Variants in PRKN observed in about 807,000 individuals in gnomAD.
PRKN encodes parkin RBR E3 ubiquitin protein ligase.
In PRKN, 56 loss-of-function variants were observed where a neutral mutation model predicts 59.5. The ratio of observed to expected loss-of-function variants is 0.94; its 90% confidence interval spans 0.76 to 1.18. The LOEUF is 1.18. PRKN is among the 50% of genes most tolerant of loss of function. PRKN has a pLI of 0.00. For missense variants in PRKN, 657 were observed against 596.4 expected (o/e 1.10, Z -1.06); for synonymous variants, 250 against 222.1 (o/e 1.13, Z -1.12).
intron 1 of PRKN, among the ~76,000 whole-genome samples, chr6:162,517,311 A>C (rs1360640609): frequency 1.3e-5 from 2 of 150,496 alleles, no homozygotes; most frequent in Non-Finnish European, 3.0e-5. Flanking sequence ...GCAGTGACAC[A>C]ATCTCGGCTC....
intron 6 of PRKN, among the ~76,000 whole-genome samples, chr6:161,806,080 C>T (rs772567700): frequency 4.6e-5 from 7 of 152,172 alleles, no homozygotes; most frequent in African/African-American, 1.2e-4. Flanking sequence ...GAAATTCCAT[C>T]GTAAATATTG....
intron 4 of PRKN, among the ~76,000 whole-genome samples, chr6:162,184,564 G>A (rs1783942650): frequency 6.6e-6 from 1 of 152,142 alleles, no homozygotes; most frequent in African/African-American, 2.4e-5. Flanking sequence ...GCCCTGTGTA[G>A]AAGGACATGT....
intron 6 of PRKN, among the ~76,000 whole-genome samples, chr6:161,943,959 T>TGAGGAAGGAGCC (rs1779672839): frequency 7.3e-6 from 1 of 137,740 alleles, no homozygotes; most frequent in African/African-American, 2.9e-5. Context: ...GGGATCAGCC[T>TGAGGAAGGAGCC]TGAGGAAGCA....
Position 161,396,824 on chromosome 6 carries a change from G to A in PRKN, c.1084-9947C>T, listed in dbSNP as rs1286118152. Among the ~76,000 whole-genome samples the A allele has an allele frequency of 3.3e-5, 5 of 152,200 alleles. No individual in the cohort carries two copies. The South Asian group carries it at 1.0e-3, about 31-fold the overall frequency. On this transcript the variant is annotated intron_variant, in intron 9 of 11. Transcript: ENST00000366898. This position sits in a 1 kb window ranked among gnomAD's most constrained non-coding sequence, Gnocchi z 5.4. ...CCCTGAATACCTGGGCCCGCCCTGG[G>A]CAACTTGGGGCAAGGCCAGCTTTGG... is the stretch of plus-strand genomic sequence containing the variant.
intron 4 of PRKN, among the ~76,000 whole-genome samples, chr6:162,138,281 T>G (rs552742839): frequency 3.1e-4 from 47 of 152,286 alleles, no homozygotes; most frequent in Non-Finnish European, 6.3e-4. Context: ...TTATGGTACT[T>G]GAGGCATCTG....
At chr6:162,604,525 T>C (rs1006057935) in intron 1 of PRKN, among the ~76,000 whole-genome samples, 1 of 152,176 alleles carries the variant, frequency 6.6e-6, no homozygotes, top group African/African-American at 2.4e-5. Flanking sequence ...AGAAACCTGA[T>C]TGATTCATAA....
intron 7 of PRKN, among the ~76,000 whole-genome samples, chr6:161,697,327 T>G (rs1010182692): frequency 2.0e-4 from 31 of 152,234 alleles, no homozygotes; most frequent in African/African-American, 6.8e-4. Flanking sequence ...GCACACATTA[T>G]AATATTTGCT....
At chr6:161,612,767 C>T (rs908790182) in intron 7 of PRKN, among the ~76,000 whole-genome samples, 2 of 149,166 alleles carry the variant, frequency 1.3e-5, no homozygotes, top group Non-Finnish European at 3.0e-5. Context: ...TCTGACTGTG[C>T]TCTATAAATG....
intron 5 of PRKN, among the ~76,000 whole-genome samples, chr6:162,030,520 C>T (rs913650768): frequency 2.6e-5 from 4 of 152,132 alleles, no homozygotes; most frequent in African/African-American, 9.7e-5. Flanking sequence ...TTCTTTTTAC[C>T]CTTGTACAGT....
intron 2 of PRKN, among the ~76,000 whole-genome samples, chr6:162,409,298 G>A (rs1377773569): frequency 6.6e-6 from 1 of 151,804 alleles, no homozygotes; most frequent in Non-Finnish European, 1.5e-5. Flanking sequence ...CTGAGTAGTT[G>A]GAACTACAGG....
chr6:162,381,921 GTTTTTC>G (rs1786507973), intron 2 of PRKN, among the ~76,000 whole-genome samples: 1 of 152,090 alleles, frequency 6.6e-6, no homozygotes, highest in Non-Finnish European at 1.5e-5. Flanking sequence ...TAGTAGAATT[GTTTTTC>G]TTTTTCCCTT....
intron 4 of PRKN, among the ~76,000 whole-genome samples, chr6:162,173,299 G>C (rs2128320344): frequency 6.6e-6 from 1 of 152,254 alleles, no homozygotes; most frequent in African/African-American, 2.4e-5. Flanking sequence ...TTGCTGTGCA[G>C]TCAGCATCTC....
chr6:161,741,746 T>C (rs915167091), intron 7 of PRKN, among the ~76,000 whole-genome samples: 3 of 151,952 alleles, frequency 2.0e-5, no homozygotes, highest in African/African-American at 7.3e-5. Flanking sequence ...ACTTACACCA[T>C]CCCAAATTAA....
chr6:162,671,722 T>C (rs892372526), intron 1 of PRKN, among the ~76,000 whole-genome samples: 3 of 151,258 alleles, frequency 2.0e-5, no homozygotes, highest in Non-Finnish European at 4.4e-5. Flanking sequence ...AAAATATACA[T>C]ACATGTTTAG....
chr6:161,897,278 C>T (rs1398249123), intron 6 of PRKN, among the ~76,000 whole-genome samples: 1 of 152,192 alleles, frequency 6.6e-6, no homozygotes, highest in African/African-American at 2.4e-5. Context: ...GCAGCTACAT[C>T]ACATGCTATG....
intron 2 of PRKN, among the ~76,000 whole-genome samples, chr6:162,309,721 G>A (rs978697772): frequency 1.3e-5 from 2 of 152,114 alleles, no homozygotes; most frequent in African/African-American, 4.8e-5. Flanking sequence ...TAACTTTTAA[G>A]CTCAAAGGTA....
At chr6:161,763,664 G>A (rs1789300660) in intron 7 of PRKN, among the ~76,000 whole-genome samples, 3 of 152,046 alleles carry the variant, frequency 2.0e-5, no homozygotes, top group African/African-American at 7.2e-5. Context: ...AACTTCAACA[G>A]CACACTCACC....
At chr6:162,229,478 A>G (rs1778325055) in intron 3 of PRKN, among the ~76,000 whole-genome samples, 1 of 152,106 alleles carries the variant, frequency 6.6e-6, no homozygotes, top group Admixed American at 6.5e-5. Context: ...TGCCTGAGCC[A>G]TTTCTCCAAC....
At chr6:161,539,322 A>T (rs1396374284) in intron 9 of PRKN, among the ~76,000 whole-genome samples, 1 of 151,722 alleles carries the variant, frequency 6.6e-6, no homozygotes, top group East Asian at 1.9e-4. Flanking sequence ...CATTCTCATT[A>T]AAAAATGACA....
Sources: allele counts gnomAD v4.1 joint callset (sites outside exome capture counted in the v4.1 genomes callset), GRCh38; gene constraint gnomAD v4.1.1; non-coding constraint Gnocchi (gnomAD v3.1); transcripts MANE v1.5; gene names NCBI Gene and HGNC (gene_info 2026-07-23, HGNC 2026-07-21).